BTRC: variants seen among roughly 807,000 people sequenced by gnomAD.
The protein encoded by BTRC is F-box/WD repeat-containing protein 1A.
BTRC carries 42 observed loss-of-function variants against 85.5 expected under a neutral mutation model. That is an observed-to-expected ratio of 0.49 (90% CI 0.38 to 0.64). BTRC has a LOEUF of 0.64. BTRC is among the 30% of genes least tolerant of loss of function. BTRC has a pLI of 0.00. For missense variants in BTRC, 594 were observed against 743.5 expected (o/e 0.80, Z 2.34); for synonymous variants, 255 against 263.3 (o/e 0.97, Z 0.30).
rs138269319 is a variant in BTRC at position 101,367,859 on chromosome 10, G to A, written c.48+13631G>A. 5.9e-5 allele frequency among the ~76,000 whole-genome samples: 9 copies of A among 152,246 alleles called. No individual in the cohort carries two copies. In the East Asian group the frequency reaches 1.7e-3, roughly 29 times the overall value. ...CATTCTATTTTTGATGGACACTTGG[G>A]TTATTTCCAGTTTTGGGCTACTTTA... On this transcript the variant is annotated intron_variant, in intron 1 of 14. Transcript: ENST00000370187.
intron 1 of BTRC, among the ~76,000 whole-genome samples, chr10:101,361,126 A>C (rs1210365029): frequency 4.6e-5 from 7 of 150,834 alleles, no homozygotes; most frequent in Non-Finnish European, 5.9e-5. Context: ...TTTTTTTTTG[A>C]GACGGAGTCT....
At chr10:101,379,925 A>G (rs1244187681) in intron 1 of BTRC, among the ~76,000 whole-genome samples, 1 of 152,192 alleles carries the variant, frequency 6.6e-6, no homozygotes, top group Admixed American at 6.5e-5. Context: ...AAGAGTTCAT[A>G]TTTTTTGATC....
At chr10:101,410,151 T>C (rs575185460) in intron 1 of BTRC, among the ~76,000 whole-genome samples, 3 of 152,342 alleles carry the variant, frequency 2.0e-5, no homozygotes, top group African/African-American at 7.2e-5. Context: ...AGTTTACTGA[T>C]AAAGCTTCTT....
intron 7 of BTRC, among the ~76,000 whole-genome samples, chr10:101,532,074 A>T (rs1226387865): frequency 6.6e-6 from 1 of 152,252 alleles, no homozygotes; most frequent in Non-Finnish European, 1.5e-5. Flanking sequence ...TGAACAAATT[A>T]TAGGCAGGGA....
intron 2 of BTRC, among the ~76,000 whole-genome samples, chr10:101,444,869 T>A (rs1403823888): frequency 6.6e-6 from 1 of 152,134 alleles, no homozygotes; most frequent in East Asian, 1.9e-4. Flanking sequence ...GTGCACAGAT[T>A]TCAGGTGTGG....
chr10:101,503,412 A>C (rs1459057446), intron 4 of BTRC, among the ~76,000 whole-genome samples: 1 of 152,216 alleles, frequency 6.6e-6, no homozygotes, highest in Non-Finnish European at 1.5e-5. Flanking sequence ...CTGCATTTTG[A>C]AATCTGAACT....
intron 2 of BTRC, among the ~76,000 whole-genome samples, chr10:101,445,936 A>C (rs1289979153): frequency 2.6e-5 from 4 of 152,194 alleles, no homozygotes; most frequent in Admixed American, 1.3e-4. Context: ...CACACAGCTG[A>C]TTGAGATATC....
At chr10:101,522,370 A>C (rs1240980893) in intron 5 of BTRC, among the ~76,000 whole-genome samples, 1 of 74,134 alleles carries the variant, frequency 1.3e-5, no homozygotes, top group Non-Finnish European at 2.8e-5. Context: ...AAAAAAACAA[A>C]AAAAAACAAA....
At chr10:101,531,700 G>A (rs370389340) in intron 7 of BTRC, among the ~76,000 whole-genome samples, 2 of 149,806 alleles carry the variant, frequency 1.3e-5, no homozygotes, top group South Asian at 2.1e-4. Flanking sequence ...CCTCCTGAAC[G>A]ACAGAGCGAG....
intron 3 of BTRC, among the ~76,000 whole-genome samples, chr10:101,464,850 T>C (rs1945330817): frequency 6.6e-6 from 1 of 152,144 alleles, no homozygotes; most frequent in Non-Finnish European, 1.5e-5. Context: ...TCGAACCAGA[T>C]TACTGTTGGC....
chr10:101,383,322 C>G (rs2133964216), intron 1 of BTRC, among the ~76,000 whole-genome samples: 1 of 150,962 alleles, frequency 6.6e-6, no homozygotes. Flanking sequence ...GCATTTCTAA[C>G]TAGTTTATAG....
intron 1 of BTRC, among the ~76,000 whole-genome samples, chr10:101,393,943 C>A (rs890334706): frequency 6.6e-6 from 1 of 152,176 alleles, no homozygotes; most frequent in African/African-American, 2.4e-5. Context: ...ACAAGCATAG[C>A]CAGTGTAATG....
chr10:101,417,058 C>T (rs1423648340), intron 1 of BTRC, among the ~76,000 whole-genome samples: 1 of 152,008 alleles, frequency 6.6e-6, no homozygotes, highest in Non-Finnish European at 1.5e-5. Context: ...CATGATGTCC[C>T]ATCACCTCTG....
chr10:101,406,824 G>A (rs990856705), intron 1 of BTRC, among the ~76,000 whole-genome samples: 1 of 152,110 alleles, frequency 6.6e-6, no homozygotes, highest in African/African-American at 2.4e-5. Context: ...GTGAGCCACC[G>A]TGCCCGGCCT....
chr10:101,537,057 G>A (rs770601454), intron 12 of BTRC, among the ~76,000 whole-genome samples: 3 of 152,070 alleles, frequency 2.0e-5, no homozygotes, highest in Non-Finnish European at 4.4e-5. Flanking sequence ...GATTTCTTGG[G>A]TTTTTTATCT....
intron 4 of BTRC, among the ~76,000 whole-genome samples, chr10:101,496,007 T>TA (rs1332151981): frequency 2.9e-5 from 1 of 34,108 alleles, no homozygotes; most frequent in Non-Finnish European, 7.4e-5. Flanking sequence ...AATCATATAG[T>TA]ATTTTTTTTT....
At chr10:101,358,043 A>AACAC (rs766744730) in intron 1 of BTRC, among the ~76,000 whole-genome samples, 2 of 151,930 alleles carry the variant, frequency 1.3e-5, no homozygotes, top group African/African-American at 4.8e-5. Context: ...AAAACACACA[A>AACAC]ACACACACAC....
At chr10:101,423,056 T>C (rs1432785685) in intron 1 of BTRC, among the ~76,000 whole-genome samples, 1 of 152,158 alleles carries the variant, frequency 6.6e-6, no homozygotes, top group Non-Finnish European at 1.5e-5. Context: ...TTTTTTTTAA[T>C]TAAGTTAAAT....
At chr10:101,499,614 A>G (rs962017418) in intron 4 of BTRC, among the ~76,000 whole-genome samples, 1 of 151,852 alleles carries the variant, frequency 6.6e-6, no homozygotes, top group African/African-American at 2.4e-5. Context: ...ATTTAAGAAT[A>G]TACCCTCCAA....
Sources: gnomAD v4.1 joint callset for allele counts (sites outside exome capture counted in the v4.1 genomes callset) on GRCh38, gnomAD v4.1.1 for gene constraint, MANE v1.5 for transcripts, NCBI Gene and HGNC (gene_info 2026-07-23, HGNC 2026-07-21) for gene names.